The following PPP1R14C variants were observed in gnomAD, a reference collection of about 807,000 sequenced individuals.
PPP1R14C encodes protein phosphatase 1 regulatory subunit 14C.
In PPP1R14C, 16 loss-of-function variants were observed where a neutral mutation model predicts 20.4. The observed-to-expected ratio is 0.78, with a 90% confidence interval of 0.53 to 1.19. The LOEUF (loss-of-function observed/expected upper bound fraction) is 1.19, where lower values mean the gene tolerates loss of function less well. Ranked by LOEUF, PPP1R14C falls within the 50% of genes most tolerant of loss-of-function variation. The pLI, the probability that PPP1R14C is intolerant of heterozygous loss-of-function variation, is 0.00. For missense variants in PPP1R14C, 211 were observed against 220.1 expected, an observed-to-expected ratio of 0.96 and a Z score of 0.26; for synonymous variants, 91 against 91.0, an observed-to-expected ratio of 1.00 and a Z score of 0.00.
intron 1 of PPP1R14C, among the ~76,000 whole-genome samples, chr6:150,181,069 T>A (rs1388646650): frequency 1.3e-5 from 2 of 152,156 alleles, no homozygotes; most frequent in African/African-American, 4.8e-5. Flanking sequence ...TTTTTTAAAA[T>A]GTGAAATTTA....
intron 1 of PPP1R14C, among the ~76,000 whole-genome samples, chr6:150,154,653 G>A (rs1311183741): frequency 6.6e-6 from 1 of 152,232 alleles, no homozygotes; most frequent in Non-Finnish European, 1.5e-5. Context: ...GATTAGACTA[G>A]TTCACCAAAG....
chr6:150,161,630 A>T (rs905914659), intron 1 of PPP1R14C, among the ~76,000 whole-genome samples: 1 of 151,282 alleles, frequency 6.6e-6, no homozygotes, highest in African/African-American at 2.4e-5. Context: ...TGTAGTATAT[A>T]TGTACAGCAA....
At chr6:150,191,112 G>C (rs1777736747) in intron 1 of PPP1R14C, among the ~76,000 whole-genome samples, 1 of 152,114 alleles carries the variant, frequency 6.6e-6, no homozygotes, top group South Asian at 2.1e-4. Flanking sequence ...GCAGCTTACT[G>C]TTCCCTCTGT....
chr6:150,246,223 A>G (rs1338236880), intron 3 of PPP1R14C, among the ~76,000 whole-genome samples: 1 of 152,146 alleles, frequency 6.6e-6, no homozygotes, highest in African/African-American at 2.4e-5. Flanking sequence ...ACTTTTGAAA[A>G]TGTGTTATTA....
At chr6:150,181,974 G>A (rs1240839828) in intron 1 of PPP1R14C, among the ~76,000 whole-genome samples, 4 of 152,188 alleles carry the variant, frequency 2.6e-5, no homozygotes, top group South Asian at 2.1e-4. Context: ...GTGGGAAATA[G>A]GATTCAGTGG....
intron 1 of PPP1R14C, among the ~76,000 whole-genome samples, chr6:150,163,465 C>T (rs968817161): frequency 6.6e-6 from 1 of 152,168 alleles, no homozygotes; most frequent in South Asian, 2.1e-4. Flanking sequence ...AGTGTAAGTG[C>T]ACAGTTGATG....
At chr6:150,178,174 C>G (rs1397286106) in intron 1 of PPP1R14C, among the ~76,000 whole-genome samples, 5 of 152,176 alleles carry the variant, frequency 3.3e-5, no homozygotes, top group African/African-American at 9.7e-5. Context: ...TGTATCTTGT[C>G]GTCAGTTGCT....
intron 1 of PPP1R14C, among the ~76,000 whole-genome samples, chr6:150,203,905 G>A (rs1054142507): frequency 6.6e-6 from 1 of 152,210 alleles, no homozygotes; most frequent in Admixed American, 6.5e-5. Context: ...GAGACAGGCT[G>A]GACTGCTGCT....
chr6:150,244,193 C>A (rs1778466314), intron 3 of PPP1R14C, among the ~76,000 whole-genome samples: 2 of 150,976 alleles, frequency 1.3e-5, no homozygotes, highest in Non-Finnish European at 2.9e-5. Flanking sequence ...TCACTGGGAA[C>A]CTTGTAGCCT....
In PPP1R14C at chr6:150,143,148, C is replaced by T. The variant is rs1562536684; in HGVS notation, c.-45C>T. 1.7e-6 allele frequency: 2 copies of T among 1,205,244 alleles called. No individual in the cohort carries two copies. The highest frequency in any genetic ancestry group is 1.6e-5 in the African/African-American group (1 of 62,718). 74.7% of individuals were successfully genotyped at this position (1,205,244 alleles called of 1,614,324 possible). ...TGGTAGCGGCGCCGGGCGCGCTCCG[C>T]CCGCCCCTCCTCCGGGCCGCACTGA... On this transcript the variant is annotated 5_prime_UTR_variant, in exon 1 of 4. Coordinates refer to ENST00000361131, the MANE Select transcript of PPP1R14C (RefSeq NM_030949.3). This position sits in a 1 kb window ranked among gnomAD's most constrained non-coding sequence, Gnocchi z 5.6.
At chr6:150,152,145 A>AAAAAAAAAT (rs1777256202) in intron 1 of PPP1R14C, among the ~76,000 whole-genome samples, 1 of 77,300 alleles carries the variant, frequency 1.3e-5, no homozygotes. Flanking sequence ...AAAAAAAAAA[A>AAAAAAAAAT]AAGAAGTGCT....
chr6:150,170,001 C>T (rs1427179369), intron 1 of PPP1R14C, among the ~76,000 whole-genome samples: 1 of 152,166 alleles, frequency 6.6e-6, no homozygotes, highest in Non-Finnish European at 1.5e-5. Context: ...GGGGACTGGG[C>T]TCTGGAGTAA....
At chr6:150,209,993 A>G (rs1192472483) in intron 1 of PPP1R14C, among the ~76,000 whole-genome samples, 1 of 149,896 alleles carries the variant, frequency 6.7e-6, no homozygotes. Flanking sequence ...CTGTGTATAT[A>G]TTTGTGTATG....
At chr6:150,150,690 TTCAAGGCACC>T (rs1455500764) in intron 1 of PPP1R14C, among the ~76,000 whole-genome samples, 3 of 152,174 alleles carry the variant, frequency 2.0e-5, no homozygotes, top group African/African-American at 7.2e-5. Flanking sequence ...CACCTGTCTT[TTCAAGGCACC>T]TCTTCTGTTC....
chr6:150,237,244 C>T (rs55645176), intron 3 of PPP1R14C, among the ~76,000 whole-genome samples: 14,796 of 152,034 alleles, frequency 0.097, 819 homozygotes, highest in African/African-American at 0.13. Context: ...TGCTCTGTTA[C>T]CCAGGCTGGA....
chr6:150,170,774 G>T (rs560236896), intron 1 of PPP1R14C, among the ~76,000 whole-genome samples: 8 of 121,194 alleles, frequency 6.6e-5, no homozygotes, highest in African/African-American at 2.4e-4. Flanking sequence ...GTTACAGTAC[G>T]ACTCTTTTTT....
intron 1 of PPP1R14C, among the ~76,000 whole-genome samples, chr6:150,160,265 T>C (rs1032474056): frequency 7.5e-4 from 47 of 62,728 alleles, no homozygotes; most frequent in South Asian, 4.9e-3. Context: ...TCTTTTTTTT[T>C]TTTTTTTTTT....
chr6:150,143,399 G>A lies in PPP1R14C; in HGVS notation c.207G>A (p.Gln69=), dbSNP rs758274910. Residue 69 remains glutamine (Q), a synonymous_variant, in exon 1 of 4, where the codon CAG becomes CAA. Transcript: ENST00000361131. This position sits in a 1 kb window ranked among gnomAD's most constrained non-coding sequence, Gnocchi z 5.6. ...VQQQQQRRHQ[Q]GKVTVKYDRK... ...AGCAACAGCAGCGGCGACACCAGCAGGGAAAAGTGACAGTGAAATACGATC... is the reference window on the plus strand; with the variant it reads ...AGCAACAGCAGCGGCGACACCAGCAAGGAAAAGTGACAGTGAAATACGATC... 6.2e-7 allele frequency: 1 copy of A among 1,612,626 alleles called. No individual in the cohort carries two copies. The highest frequency in any genetic ancestry group is 8.5e-7 in the Non-Finnish European group (1 of 1,179,532).
At position 150,249,701 on chromosome 6, in the gene PPP1R14C, A is replaced by G. The variant is rs1778540812; in HGVS notation, c.*881A>G. ...GTGAATTGTCTGCTTTCCACCGAGT[A>G]CTGTGTTTATTCTCTCTCCAGGAAA... is the stretch of plus-strand genomic sequence containing the variant. On this transcript the variant is annotated 3_prime_UTR_variant, in exon 4 of 4. Coordinates refer to ENST00000361131, the MANE Select transcript of PPP1R14C (RefSeq NM_030949.3). 2.5e-6 allele frequency: 1 copy of G among 397,150 alleles called. No individual in the cohort carries two copies. Among genetic ancestry groups the G allele is most frequent in the Non-Finnish European group, 4.4e-6 (1 of 225,760 alleles). 24.6% of individuals were successfully genotyped at this position (397,150 alleles called of 1,614,324 possible).
Sources: allele counts gnomAD v4.1 joint callset (sites outside exome capture counted in the v4.1 genomes callset), GRCh38; gene constraint gnomAD v4.1.1; non-coding constraint Gnocchi (gnomAD v3.1); transcripts MANE v1.5; gene names NCBI Gene and HGNC (gene_info 2026-07-23, HGNC 2026-07-21).